The following EPB41L2 variants were observed in gnomAD, a reference collection of about 807,000 sequenced individuals.
EPB41L2 encodes band 4.1-like protein 2.
A neutral mutation model predicts 113.0 loss-of-function variants in EPB41L2; 43 were observed. The observed-to-expected ratio is 0.38, with a 90% CI of 0.30 to 0.49. EPB41L2 has a LOEUF of 0.49. Among genes scored for constraint, EPB41L2 ranks in the 20% least tolerant of loss-of-function variants. EPB41L2 has a pLI of 0.95. For missense variants in EPB41L2, 1,147 were observed against 1,223.4 expected, an observed-to-expected ratio of 0.94 and a Z score of 0.93; for synonymous variants, 442 against 436.7, an observed-to-expected ratio of 1.01 and a Z score of -0.15.
chr6:130,993,639 C>T lies in EPB41L2; in HGVS notation c.-14-37140G>A, dbSNP rs1782407258. Among the ~76,000 whole-genome samples, 8 of 152,274 alleles carry T rather than the reference C, an allele frequency of 5.3e-5. No homozygotes were observed. In the South Asian group the frequency reaches 1.7e-3, roughly 32 times the overall value. Reference sequence around the variant, plus strand: ...CGATCTTCAGGGGGTATGTGTCTTCCGGCCAGCTCTCTTCCTGCTTCTGCT... The same window carrying T: ...CGATCTTCAGGGGGTATGTGTCTTCTGGCCAGCTCTCTTCCTGCTTCTGCT... On this transcript the variant is annotated intron_variant, in intron 1 of 19. Coordinates refer to ENST00000337057, the MANE Select transcript of EPB41L2 (RefSeq NM_001431.4).
chr6:130,872,538 TC>T, intron 14 of EPB41L2: 1 of 1,288,284 alleles, frequency 7.8e-7, no homozygotes, highest in East Asian at 5.6e-5. Flanking sequence ...TCTTCTAGGC[TC>T]TAGAGAGGTC....
intron 19 of EPB41L2, among the ~76,000 whole-genome samples, chr6:130,856,719 TAAC>T (rs763918174): frequency 2.6e-5 from 4 of 152,228 alleles, no homozygotes; most frequent in Non-Finnish European, 4.4e-5. Context: ...CAGATTATTT[TAAC>T]AACAGAAAGT....
chr6:130,879,822 G>T (rs558605896), intron 13 of EPB41L2, among the ~76,000 whole-genome samples: 1 of 152,284 alleles, frequency 6.6e-6, no homozygotes, highest in African/African-American at 2.4e-5. Flanking sequence ...GTTACCTCAG[G>T]TTGATGCCCT....
chr6:130,966,087 G>T (rs537764602), intron 1 of EPB41L2, among the ~76,000 whole-genome samples: 2 of 152,224 alleles, frequency 1.3e-5, no homozygotes, highest in East Asian at 3.9e-4. Flanking sequence ...ACAAATTTGT[G>T]TTGGGCAGGA....
At chr6:130,843,912 G>C (rs73775308) in intron 19 of EPB41L2, among the ~76,000 whole-genome samples, 1 of 152,160 alleles carries the variant, frequency 6.6e-6, no homozygotes, top group African/African-American at 2.4e-5. Context: ...CACCCAATGA[G>C]CAGTGGTGAA....
intron 3 of EPB41L2, 21 bp downstream of exon 3, chr6:130,955,084 T>G: frequency 6.2e-7 from 1 of 1,606,272 alleles, no homozygotes; most frequent in South Asian, 1.1e-5. Flanking sequence ...AAGCTAGCTC[T>G]CACTCAGCTC....
At chr6:131,052,837 T>C (rs181579993) in intron 1 of EPB41L2, among the ~76,000 whole-genome samples, 1 of 152,120 alleles carries the variant, frequency 6.6e-6, no homozygotes, top group African/African-American at 2.4e-5. Context: ...TCTGCCCCAC[T>C]CGCCCTGCTA....
At chr6:130,907,675 G>A (rs1002929361) in intron 5 of EPB41L2, among the ~76,000 whole-genome samples, 3 of 152,028 alleles carry the variant, frequency 2.0e-5, no homozygotes, top group African/African-American at 7.3e-5. Flanking sequence ...AAAAAAGAGA[G>A]TAGGGAAGCA....
intron 18 of EPB41L2, among the ~76,000 whole-genome samples, chr6:130,859,358 T>C (rs866883909): frequency 1.1e-4 from 17 of 151,986 alleles, no homozygotes; most frequent in South Asian, 6.2e-4. Flanking sequence ...CAGTCTCTAC[T>C]AAAAACACCA....
chr6:130,882,330 T>C (rs1317541786), intron 12 of EPB41L2: 1 of 152,330 alleles, frequency 6.6e-6, no homozygotes, highest in Non-Finnish European at 1.5e-5. Flanking sequence ...ATGGTATCAA[T>C]GAAGGAGAAG....
In EPB41L2 at chr6:130,956,502, G is replaced by A. The variant is rs1224224056; in HGVS notation, c.-14-3C>T. ...AGTAGTCATGGCCACAGCTTATGCT[G>A]TAATCAAAACAAAAATCATAAAATG... On this transcript the variant is annotated splice_region_variant and splice_polypyrimidine_tract_variant and intron_variant, in intron 1 of 19. Coordinates refer to ENST00000337057, the MANE Select transcript of EPB41L2 (RefSeq NM_001431.4). 6.3e-7 allele frequency: 1 copy of A among 1,576,066 alleles called. No homozygotes were observed. Among genetic ancestry groups the A allele is most frequent in the African/African-American group, 1.4e-5 (1 of 72,938 alleles).
rs147204379 is a variant in EPB41L2, at chr6:131,056,605, A to G, written c.-15+6550T>C. Reference sequence around the variant, plus strand: ...CCACTGCAAAAAATCTGCTTACCACATATTCACCAGTAACCAACCCACTAG... The same window carrying G: ...CCACTGCAAAAAATCTGCTTACCACGTATTCACCAGTAACCAACCCACTAG... On this transcript the variant is annotated intron_variant, in intron 1 of 19. Transcript: ENST00000337057. Among the ~76,000 whole-genome samples, 146 of 152,356 alleles carry G rather than the reference A, an allele frequency of 9.6e-4. No individual in the cohort carries two copies. The Middle Eastern group carries it at 0.01, about 11-fold the overall frequency.
intron 1 of EPB41L2, among the ~76,000 whole-genome samples, chr6:131,046,619 G>A (rs1795510270): frequency 6.6e-6 from 1 of 152,086 alleles, no homozygotes; most frequent in Non-Finnish European, 1.5e-5. Flanking sequence ...TTCACCTTTC[G>A]ATGCTACTGT....
chr6:130,977,951 T>A (rs1778552023), intron 1 of EPB41L2, among the ~76,000 whole-genome samples: 1 of 152,232 alleles, frequency 6.6e-6, no homozygotes, highest in Admixed American at 6.5e-5. Flanking sequence ...TGGTGGAAGG[T>A]ATCATTATGG....
At chr6:130,978,230 G>A (rs1361221349) in intron 1 of EPB41L2, among the ~76,000 whole-genome samples, 4 of 152,226 alleles carry the variant, frequency 2.6e-5, no homozygotes, top group Admixed American at 1.3e-4. Flanking sequence ...GCTTCTACCA[G>A]GGCAAGCTGG....
At chr6:130,971,415 T>C (rs1776740442) in intron 1 of EPB41L2, among the ~76,000 whole-genome samples, 1 of 152,236 alleles carries the variant, frequency 6.6e-6, no homozygotes, top group South Asian at 2.1e-4. Flanking sequence ...ACCTGATGGC[T>C]TCTCTTTGAC....
chr6:130,862,376 T>C (rs530198531), intron 18 of EPB41L2, among the ~76,000 whole-genome samples: 1 of 152,298 alleles, frequency 6.6e-6, no homozygotes, highest in Admixed American at 6.5e-5. Context: ...TGTGAGCTTG[T>C]GCTTCACATA....
intron 18 of EPB41L2, among the ~76,000 whole-genome samples, chr6:130,861,874 CAA>C (rs558987011): frequency 1.7e-5 from 2 of 120,652 alleles, no homozygotes; most frequent in Non-Finnish European, 1.7e-5. Flanking sequence ...TCCATCTCCC[CAA>C]AAAAAAAAAA....
chr6:131,036,720 G>A (rs1793393159), intron 1 of EPB41L2, among the ~76,000 whole-genome samples: 1 of 151,870 alleles, frequency 6.6e-6, no homozygotes, highest in African/African-American at 2.4e-5. Context: ...TGAGGCCCAG[G>A]TTTTTTTTAA....
Sources: allele counts gnomAD v4.1 joint callset (sites outside exome capture counted in the v4.1 genomes callset), GRCh38; gene constraint gnomAD v4.1.1; transcripts MANE v1.5; gene names NCBI Gene and HGNC (gene_info 2026-07-23, HGNC 2026-07-21).